C2orf76: variants seen among roughly 807,000 people sequenced by gnomAD.
C2orf76 encodes the protein chromosome 2 open reading frame 76.
In C2orf76, 23 loss-of-function variants were observed where a neutral mutation model predicts 16.9. The observed-to-expected ratio is 1.36, with a 90% CI of 0.98 to 1.93. The LOEUF (loss-of-function observed/expected upper bound fraction) is 1.93, where lower values mean the gene tolerates loss of function less well. C2orf76 is among the 30% of genes most tolerant of loss of function. C2orf76 has a pLI of 0.00. For synonymous variants in C2orf76, 48 were observed against 52.3 expected (o/e 0.92, Z 0.35); for missense variants, 152 against 152.6 (o/e 1.00, Z 0.02).
At chr2:119,286,792 T>G in the C2orf76 span, among the ~76,000 whole-genome samples, 1 of 151,526 alleles carries the variant, frequency 6.6e-6, no homozygotes, top group Non-Finnish European at 1.5e-5. Context: ...GGATGAGAAA[T>G]GATGAGGCCC....
At position 119,317,458 on chromosome 2, in the gene C2orf76, G is replaced by A; in HGVS notation, c.222+8C>T. 6.3e-7 allele frequency: 1 copy of A among 1,596,464 alleles called. No individual in the cohort carries two copies. Among genetic ancestry groups the A allele is most frequent in the Non-Finnish European group, 8.6e-7 (1 of 1,169,170 alleles). Reference sequence around the variant, plus strand: ...CTATGTGCCAGATACTGTACCTGTGGAACATACCTTTGATTTATGTGCTTG... The same window carrying A: ...CTATGTGCCAGATACTGTACCTGTGAAACATACCTTTGATTTATGTGCTTG... On this transcript the variant is annotated splice_region_variant and intron_variant, in intron 4 of 5. Transcript: ENST00000334816.
At chr2:119,366,213 T>C in intron 1 of C2orf76, 1 of 348,718 alleles carries the variant, frequency 2.9e-6, no homozygotes, top group Non-Finnish European at 5.7e-6. Flanking sequence ...TTCACTGCTG[T>C]CTGCCAAGGT....
At chr2:119,331,347 C>G (rs1679672199) in intron 2 of C2orf76, among the ~76,000 whole-genome samples, 1 of 152,180 alleles carries the variant, frequency 6.6e-6, no homozygotes, top group African/African-American at 2.4e-5. Context: ...GTTTCCACTC[C>G]AACAGGTGGA....
chr2:119,347,680 TG>T (rs1462089036), intron 1 of C2orf76, among the ~76,000 whole-genome samples: 1 of 152,126 alleles, frequency 6.6e-6, no homozygotes, highest in East Asian at 1.9e-4. Context: ...AAGACCAGCC[TG>T]GGCAACATAT....
intron 2 of C2orf76, among the ~76,000 whole-genome samples, chr2:119,332,159 G>A (rs1679696110): frequency 6.6e-6 from 1 of 151,962 alleles, no homozygotes; most frequent in East Asian, 1.9e-4. Context: ...AATATCAAGA[G>A]GCAATAAAAT....
rs369305601 is a variant in C2orf76, at chr2:119,357,125, A to T, written c.-13+9665T>A. On this transcript the variant is annotated intron_variant, in intron 1 of 5. Transcript: ENST00000334816. Reference sequence around the variant, plus strand: ...CTAGAAGGTTTCACTAGAGAACTCTACAAAACATTTAAAGAAGAATTAACA... The same window carrying T: ...CTAGAAGGTTTCACTAGAGAACTCTTCAAAACATTTAAAGAAGAATTAACA... Among the ~76,000 whole-genome samples the T allele has an allele frequency of 3.3e-5, 5 of 152,308 alleles. No homozygotes were observed. The East Asian group carries it at 9.6e-4, about 29-fold the overall frequency.
At chr2:119,318,999 C>G (rs1679262848) in intron 3 of C2orf76, among the ~76,000 whole-genome samples, 1 of 151,736 alleles carries the variant, frequency 6.6e-6, no homozygotes, top group Non-Finnish European at 1.5e-5. Flanking sequence ...TTCAGCTTAT[C>G]TAGTATTCCA....
rs759066498 is a variant in C2orf76, at chr2:119,366,810, G to C, written c.-33C>G. The C allele has an allele frequency of 5.3e-5, 31 of 581,180 alleles. No homozygotes were observed. The highest frequency in any genetic ancestry group is 7.3e-5 in the Non-Finnish European group (24 of 328,764). The allele number at this position is 581,180 out of a possible 1,614,324, so 36.0% of individuals were successfully genotyped here. A position where few individuals can be genotyped will look rare whatever the true frequency, so the allele number is the denominator to read the frequency against. On this transcript the variant is annotated 5_prime_UTR_variant, in exon 1 of 6. Coordinates refer to ENST00000334816, the MANE Select transcript of C2orf76 (RefSeq NM_001322331.2). Reference sequence around the variant, plus strand: ...CCCACCTGTTCCCGGCGTCCCCTTCGGCTACTCCCGGCGTTTGCGCAAGCG... The same window carrying C: ...CCCACCTGTTCCCGGCGTCCCCTTCCGCTACTCCCGGCGTTTGCGCAAGCG...
At chr2:119,359,215 CT>C (rs1361290197) in intron 1 of C2orf76, among the ~76,000 whole-genome samples, 5 of 152,188 alleles carry the variant, frequency 3.3e-5, no homozygotes, top group Non-Finnish European at 5.9e-5. Flanking sequence ...TTTAAGCCCA[CT>C]GTTGAGACCT....
At chr2:119,288,568 G>C in the C2orf76 span, among the ~76,000 whole-genome samples, 2 of 152,040 alleles carry the variant, frequency 1.3e-5, no homozygotes, top group Non-Finnish European at 2.9e-5. Flanking sequence ...ATAAACTCAT[G>C]AAGACAAAGA....
chr2:119,282,039 G>A, the C2orf76 span, among the ~76,000 whole-genome samples: 3 of 152,114 alleles, frequency 2.0e-5, no homozygotes, highest in South Asian at 2.1e-4. Context: ...CCAGCTACTC[G>A]GGAGGCTGAG....
chr2:119,289,456 C>G, the C2orf76 span, among the ~76,000 whole-genome samples: 2 of 151,862 alleles, frequency 1.3e-5, 1 homozygote, highest in East Asian at 3.9e-4. Context: ...GGGAGGCTGA[C>G]GTGGGCAGAT....
downstream of C2orf76, among the ~76,000 whole-genome samples, chr2:119,299,138 G>A (rs565325325): frequency 5.6e-4 from 85 of 151,508 alleles, no homozygotes; most frequent in African/African-American, 1.8e-3. Flanking sequence ...GGCTGGTCTC[G>A]AACTCCTGAG....
At chr2:119,313,693 C>A (rs1303207002) in intron 4 of C2orf76, among the ~76,000 whole-genome samples, 4 of 152,172 alleles carry the variant, frequency 2.6e-5, no homozygotes, top group African/African-American at 7.2e-5. Context: ...TCCTTCCAAT[C>A]CCCATCCACC....
At chr2:119,291,008 T>G in the C2orf76 span, among the ~76,000 whole-genome samples, 5,529 of 152,002 alleles carry the variant, frequency 0.036, 150 homozygotes, top group Middle Eastern at 0.099. Flanking sequence ...AACAAATGAC[T>G]GACACCGGCT....
the C2orf76 span, among the ~76,000 whole-genome samples, chr2:119,296,615 A>G: frequency 6.6e-6 from 1 of 152,188 alleles, no homozygotes; most frequent in Non-Finnish European, 1.5e-5. Context: ...AGGCCAGGCC[A>G]GTTCTCTGGG....
At chr2:119,352,363 C>T (rs540572518) in intron 1 of C2orf76, among the ~76,000 whole-genome samples, 1 of 152,232 alleles carries the variant, frequency 6.6e-6, no homozygotes, top group Non-Finnish European at 1.5e-5. Context: ...GTTCTAACCA[C>T]TGTTCAATTA....
chr2:119,366,295 T>C (rs949923961), intron 1 of C2orf76: 2 of 395,238 alleles, frequency 5.1e-6, no homozygotes, highest in African/African-American at 4.2e-5. Flanking sequence ...TGCTGAGCAC[T>C]TCGTCCCGTC....
At chr2:119,282,958 C>A in the C2orf76 span, among the ~76,000 whole-genome samples, 1 of 152,228 alleles carries the variant, frequency 6.6e-6, no homozygotes, top group Non-Finnish European at 1.5e-5. Context: ...CTCCTCTAAG[C>A]CCCTCCTGAA....
Sources: gnomAD v4.1 joint callset for allele counts (sites outside exome capture counted in the v4.1 genomes callset) on GRCh38, gnomAD v4.1.1 for gene constraint, MANE v1.5 for transcripts, NCBI Gene and HGNC (gene_info 2026-07-23, HGNC 2026-07-21) for gene names.